ECSIT: variants seen among roughly 807,000 people sequenced by gnomAD.
The protein encoded by ECSIT is ECSIT signaling integrator, also known as evolutionarily conserved signaling intermediate in Toll pathway, mitochondrial.
A neutral mutation model predicts 36.8 loss-of-function variants in ECSIT; 29 were observed. That is an observed-to-expected ratio of 0.79 (90% CI 0.59 to 1.08). The LOEUF (loss-of-function observed/expected upper bound fraction) is 1.08, where lower values mean the gene tolerates loss of function less well. ECSIT is among the 50% of genes least tolerant of loss of function. The pLI, the probability that ECSIT is intolerant of heterozygous loss-of-function variation, is 0.00. For missense variants in ECSIT, 542 were observed against 581.0 expected (o/e 0.93, Z 0.69); for synonymous variants, 231 against 234.8 (o/e 0.98, Z 0.15).
At chr19:11,526,473 ATCC>A (rs1463741039) in intron 1 of ECSIT, among the ~76,000 whole-genome samples, 1 of 152,062 alleles carries the variant, frequency 6.6e-6, no homozygotes, top group Non-Finnish European at 1.5e-5. Flanking sequence ...TCTCCATCCT[ATCC>A]AATCGCACCA....
At chr19:11,513,335 A>T (rs1016361268) in intron 3 of ECSIT, 56 bp from the exon 4 acceptor site, 150 of 1,385,652 alleles carry the variant, frequency 1.1e-4, no homozygotes, top group Non-Finnish European at 1.4e-4. Flanking sequence ...GAGGGAAGGG[A>T]AGAGGAGAAA....
intron 1 of ECSIT, among the ~76,000 whole-genome samples, chr19:11,527,647 T>C (rs897113262): frequency 6.6e-6 from 1 of 152,118 alleles, no homozygotes. Context: ...CACTTGTGAA[T>C]AGCCACTGCA....
intron 6 of ECSIT, 52 bp from the exon 7 acceptor site, chr19:11,507,614 T>C: frequency 6.2e-7 from 1 of 1,612,822 alleles, no homozygotes; most frequent in Non-Finnish European, 8.5e-7. Context: ...GCTCTCTCGG[T>C]CTCCCTCCTC....
At chr19:11,516,706 C>CAA (rs1972006692) in intron 2 of ECSIT, among the ~76,000 whole-genome samples, 1 of 148,618 alleles carries the variant, frequency 6.7e-6, no homozygotes, top group Non-Finnish European at 1.5e-5. Context: ...CACACACACA[C>CAA]AAAACGCTAA....
chr19:11,512,436 C>G (rs1971889470), intron 4 of ECSIT, among the ~76,000 whole-genome samples: 3 of 152,118 alleles, frequency 2.0e-5, no homozygotes, highest in Admixed American at 6.5e-5. Context: ...GAGAGCAAAC[C>G]CTCACCAGAC....
In ECSIT at chr19:11,515,055, T is replaced by TCTCAAAC. The variant is rs967793496; in HGVS notation, c.97-841_97-835dup. 1.3e-4 allele frequency among the ~76,000 whole-genome samples: 20 copies of TCTCAAAC among 150,572 alleles called. No individual in the cohort carries two copies. In the South Asian group the frequency reaches 2.3e-3, roughly 17 times the overall value. ...GGTTTCATCATGTTGGCCAGGCTGG[T>TCTCAAAC]CTCAAACTCCAGGCCTCAAGTGATC... On this transcript the variant is annotated intron_variant, in intron 2 of 7. Coordinates refer to ENST00000270517, the MANE Select transcript of ECSIT (RefSeq NM_016581.5).
chr19:11,514,343 G>A (rs1045207050), intron 2 of ECSIT, 122 bp from the exon 3 acceptor site: 3 of 950,494 alleles, frequency 3.2e-6, no homozygotes, highest in Non-Finnish European at 4.6e-6. Flanking sequence ...GTATGGAACT[G>A]TGGTTACAAA....
At chr19:11,508,802 C>A (rs1037676538) in intron 4 of ECSIT, among the ~76,000 whole-genome samples, 1 of 152,092 alleles carries the variant, frequency 6.6e-6, no homozygotes, top group African/African-American at 2.4e-5. Context: ...GATCCGCCTG[C>A]CTTGGCCTCC....
At chr19:11,512,306 C>T (rs534025148) in intron 4 of ECSIT, among the ~76,000 whole-genome samples, 16 of 152,130 alleles carry the variant, frequency 1.1e-4, no homozygotes, top group African/African-American at 3.9e-4. Flanking sequence ...GATAGTGCTA[C>T]TGCGCTCCAG....
chr19:11,509,456 C>T (rs1293404386), intron 4 of ECSIT, among the ~76,000 whole-genome samples: 1 of 151,404 alleles, frequency 6.6e-6, no homozygotes, highest in East Asian at 2.0e-4. Context: ...ATCATTCATC[C>T]TTTCAAGTTA....
At chr19:11,515,392 G>A (rs377027150) in intron 2 of ECSIT, among the ~76,000 whole-genome samples, 38 of 151,814 alleles carry the variant, frequency 2.5e-4, no homozygotes, top group East Asian at 9.8e-4. Flanking sequence ...ATGAGCCACC[G>A]CGCCCGGCGT....
chr19:11,515,269 A>C (rs1230496837), intron 2 of ECSIT, among the ~76,000 whole-genome samples: 2 of 151,328 alleles, frequency 1.3e-5, no homozygotes, highest in Non-Finnish European at 2.9e-5. Context: ...ACGCCCAGCT[A>C]ATTTTTTGGA....
At chr19:11,514,664 G>A (rs377498881) in intron 2 of ECSIT, among the ~76,000 whole-genome samples, 16 of 151,878 alleles carry the variant, frequency 1.1e-4, no homozygotes, top group Admixed American at 2.0e-4. Context: ...TGGAACTACC[G>A]GTGTACACCA....
chr19:11,515,263 C>G (rs1028525457), intron 2 of ECSIT, among the ~76,000 whole-genome samples: 8 of 151,894 alleles, frequency 5.3e-5, no homozygotes, highest in African/African-American at 1.7e-4. Flanking sequence ...GCCACCACGC[C>G]CAGCTAATTT....
At position 11,506,341 on chromosome 19, in the gene ECSIT, G is replaced by C. The variant is rs1971737023; in HGVS notation, c.1139C>G (p.Thr380Ser). The C allele has an allele frequency of 1.2e-6, 2 of 1,613,458 alleles. No individual in the cohort carries two copies. The highest frequency in any genetic ancestry group is 1.7e-5 in the Admixed American group (1 of 60,006). The stretch of plus-strand genomic sequence containing the variant: ...GGGGATCTGGGCCAGGGTTGGGTTG[G>C]TCTCCTGCAGGCCCTGGATCCACTT... ...MAKWIQGLQE[T>S]NPTLAQIPVV... Residue 380 changes from threonine (T) to serine (S), a missense_variant, in exon 8 of 8, where the codon ACC becomes AGC. Transcript: ENST00000270517.
chr19:11,515,145 C>T (rs866957096), intron 2 of ECSIT, among the ~76,000 whole-genome samples: 24 of 150,608 alleles, frequency 1.6e-4, no homozygotes, highest in Non-Finnish European at 2.8e-4. Context: ...GCTTTGTCAC[C>T]CAGGCTGGAG....
chr19:11,506,418 G>T lies in ECSIT; in HGVS notation c.1062C>A (p.Gly354=). Reference sequence around the variant, plus strand: ...CCGCCATGCACATGGCGAAGACAGGGCCTTCCTCCACTGTTGGAAGACATG... The same window carrying T: ...CCGCCATGCACATGGCGAAGACAGGTCCTTCCTCCACTGTTGGAAGACATG... The part of the protein sequence containing the change: ...YEFDINEVEE[G]PVFAMCMAGA... Residue 354 remains glycine (G), a synonymous_variant, in exon 8 of 8, where the codon GGC becomes GGA. Transcript: ENST00000270517. 1.2e-6 allele frequency: 2 copies of T among 1,611,812 alleles called. No homozygotes were observed. The highest frequency in any genetic ancestry group is 1.7e-6 in the Non-Finnish European group (2 of 1,178,626).
intron 1 of ECSIT, among the ~76,000 whole-genome samples, chr19:11,528,131 G>A (rs925727421): frequency 1.3e-5 from 2 of 152,232 alleles, no homozygotes; most frequent in Non-Finnish European, 2.9e-5. Flanking sequence ...CTTTGTACTT[G>A]CTTTTCTCTC....
chr19:11,515,309 T>G (rs1056281351), intron 2 of ECSIT, among the ~76,000 whole-genome samples: 10 of 151,396 alleles, frequency 6.6e-5, no homozygotes, highest in Non-Finnish European at 1.0e-4. Context: ...TTCACTGTGT[T>G]AGTCAGGATG....
Sources: gnomAD v4.1 joint callset for allele counts (sites outside exome capture counted in the v4.1 genomes callset) on GRCh38, gnomAD v4.1.1 for gene constraint, MANE v1.5 for transcripts, NCBI Gene and HGNC (gene_info 2026-07-23, HGNC 2026-07-21) for gene names.